DIXDC1: variants seen among roughly 807,000 people sequenced by gnomAD.
DIXDC1 encodes dixin.
DIXDC1 carries 64 observed loss-of-function variants against 103.1 expected under a neutral mutation model. That is an observed-to-expected ratio of 0.62 (90% CI 0.51 to 0.76). The LOEUF is 0.76. DIXDC1 is among the 30% of genes least tolerant of loss of function. The pLI is 0.00. For missense variants in DIXDC1, 759 were observed against 834.2 expected, an observed-to-expected ratio of 0.91 and a Z score of 1.11; for synonymous variants, 266 against 298.5, an observed-to-expected ratio of 0.89 and a Z score of 1.12.
At chr11:111,978,636 G>T (rs970005267) in intron 5 of DIXDC1, among the ~76,000 whole-genome samples, 1 of 152,160 alleles carries the variant, frequency 6.6e-6, no homozygotes, top group Admixed American at 6.5e-5. Flanking sequence ...CTGAGCATGC[G>T]TCTGTGCTTT....
intron 3 of DIXDC1, among the ~76,000 whole-genome samples, chr11:111,969,629 T>G (rs1382717640): frequency 6.6e-6 from 1 of 152,216 alleles, no homozygotes; most frequent in African/African-American, 2.4e-5. Flanking sequence ...GTTCTCTTGC[T>G]GTTTCTCGAG....
intron 17 of DIXDC1, among the ~76,000 whole-genome samples, chr11:112,014,778 A>G (rs1249688997): frequency 6.6e-6 from 1 of 152,184 alleles, no homozygotes; most frequent in East Asian, 1.9e-4. Flanking sequence ...ATATAGCTTT[A>G]ATGTTAAAAG....
intron 8 of DIXDC1, 131 bp downstream of exon 8, chr11:111,985,452 T>C: frequency 1.4e-6 from 1 of 701,200 alleles, no homozygotes; most frequent in East Asian, 2.8e-5. Flanking sequence ...CTCCTACATT[T>C]TTGACCATTG....
intron 8 of DIXDC1, among the ~76,000 whole-genome samples, 183 bp from the exon 9 acceptor site, chr11:111,986,688 T>A (rs1860502427): frequency 6.6e-6 from 1 of 151,966 alleles, no homozygotes; most frequent in Admixed American, 6.6e-5. Context: ...CTAAGCTTTA[T>A]CCATATAGAT....
At chr11:112,015,074 G>A (rs1033320379) in intron 17 of DIXDC1, among the ~76,000 whole-genome samples, 3 of 151,928 alleles carry the variant, frequency 2.0e-5, no homozygotes, top group East Asian at 1.9e-4. Flanking sequence ...TAGTAGAGAC[G>A]GGGTTTCACC....
Position 112,022,526 on chromosome 11 carries a change from A to G in DIXDC1, c.*3490A>G, listed in dbSNP as rs1388793848. On this transcript the variant is annotated 3_prime_UTR_variant, in exon 20 of 20. Transcript: ENST00000440460. The surrounding 1 kb of genome is among the most constrained non-coding windows in gnomAD (Gnocchi z 4.9). ...AGTTTTAACTGCCGGTATGTACCAG[A>G]TTTGTGAACTAATTTAAAAAACCAC... 2.0e-5 allele frequency: 3 copies of G among 152,638 alleles called. No homozygotes were observed. The highest frequency in any genetic ancestry group is 7.2e-5 in the African/African-American group (3 of 41,456). 9.5% of individuals were successfully genotyped at this position (152,638 alleles called of 1,614,324 possible).
At chr11:111,952,174 C>A (rs1555170060) in intron 1 of DIXDC1, among the ~76,000 whole-genome samples, 1 of 152,092 alleles carries the variant, frequency 6.6e-6, no homozygotes, top group Non-Finnish European at 1.5e-5. Context: ...CTTAAAATCT[C>A]TTTTTCTTCC....
chr11:111,972,290 G>A (rs1454812297), intron 3 of DIXDC1, among the ~76,000 whole-genome samples: 1 of 152,074 alleles, frequency 6.6e-6, no homozygotes, highest in Non-Finnish European at 1.5e-5. Flanking sequence ...TATTTCTAGG[G>A]CAAAATTTAG....
At chr11:111,987,016 C>T (rs374308915) in intron 9 of DIXDC1, 92 bp downstream of exon 9, 27 of 1,020,542 alleles carry the variant, frequency 2.6e-5, no homozygotes, top group East Asian at 2.5e-4. Flanking sequence ...TTTGAGAGGC[C>T]GAGGCGGGCA....
At chr11:111,933,765 G>A (rs1555167896), upstream of DIXDC1, among the ~76,000 whole-genome samples, 2 of 133,556 alleles carry the variant, frequency 1.5e-5, no homozygotes, top group African/African-American at 5.6e-5. Flanking sequence ...GTAATTATTT[G>A]TTTATTCAAA....
At chr11:111,968,970 C>T (rs976042209) in intron 3 of DIXDC1, among the ~76,000 whole-genome samples, 1 of 151,782 alleles carries the variant, frequency 6.6e-6, no homozygotes, top group African/African-American at 2.4e-5. Flanking sequence ...TATGGGGTCT[C>T]ACTGTGTTGG....
Position 112,019,145 on chromosome 11 carries a change from C to T in DIXDC1, c.*109C>T. The T allele has an allele frequency of 1.1e-6, 1 of 889,720 alleles. No homozygotes were observed. Among genetic ancestry groups the T allele is most frequent in the Admixed American group, 2.4e-5 (1 of 40,906 alleles). 55.1% of individuals were successfully genotyped at this position (889,720 alleles called of 1,614,324 possible). A position where few individuals can be genotyped will look rare whatever the true frequency, so the allele number is the denominator to read the frequency against. On this transcript the variant is annotated 3_prime_UTR_variant, in exon 20 of 20. Transcript: ENST00000440460. ...ACTAAGAAGTTTCTAGTTTGTGTGC[C>T]AAAACAGAAGCTTCTCCAAGCATGA...
chr11:111,930,432 A>G (rs1044524179), intron 2 of DIXDC1, among the ~76,000 whole-genome samples: 5 of 152,152 alleles, frequency 3.3e-5, no homozygotes, highest in African/African-American at 1.2e-4. Context: ...GGCACGTGCC[A>G]TCACACCCAG....
At chr11:112,003,238 C>T (rs1218501427) in intron 17 of DIXDC1, among the ~76,000 whole-genome samples, 1 of 152,122 alleles carries the variant, frequency 6.6e-6, no homozygotes, top group Non-Finnish European at 1.5e-5. Context: ...CGTGGTGGCT[C>T]ATGCCTGTAA....
chr11:111,935,923 T>C (rs1966174027), upstream of DIXDC1, among the ~76,000 whole-genome samples: 1 of 152,200 alleles, frequency 6.6e-6, no homozygotes, highest in African/African-American at 2.4e-5. Context: ...AGATGTGTTC[T>C]TTTTCAGAAA....
At chr11:111,988,649 C>G (rs1389304290) in intron 9 of DIXDC1, among the ~76,000 whole-genome samples, 1 of 152,050 alleles carries the variant, frequency 6.6e-6, no homozygotes, top group Non-Finnish European at 1.5e-5. Context: ...TAGATATGAT[C>G]ATATATTCAG....
chr11:111,973,158 G>A (rs1231278205), intron 3 of DIXDC1, among the ~76,000 whole-genome samples: 1 of 151,564 alleles, frequency 6.6e-6, no homozygotes, highest in Admixed American at 6.6e-5. Flanking sequence ...ATCACCTGAG[G>A]TCATGAGTTC....
At chr11:111,994,656 G>T (rs1242455968) in intron 14 of DIXDC1, among the ~76,000 whole-genome samples, 2 of 150,656 alleles carry the variant, frequency 1.3e-5, no homozygotes, top group Non-Finnish European at 3.0e-5. Flanking sequence ...ATGTGTGTGT[G>T]TATATATATA....
At chr11:112,001,661 A>G (rs1555176014) in intron 17 of DIXDC1, among the ~76,000 whole-genome samples, 1 of 152,174 alleles carries the variant, frequency 6.6e-6, no homozygotes, top group Non-Finnish European at 1.5e-5. Context: ...ACAGGCACCT[A>G]CAAGGAGAGA....
Sources: gnomAD v4.1 joint callset for allele counts (sites outside exome capture counted in the v4.1 genomes callset) on GRCh38, gnomAD v4.1.1 for gene constraint, Gnocchi (gnomAD v3.1) non-coding constraint, MANE v1.5 for transcripts, NCBI Gene and HGNC (gene_info 2026-07-23, HGNC 2026-07-21) for gene names.